Variants in RBFOX1 observed in about 807,000 individuals in gnomAD.
RBFOX1 encodes the protein RNA binding protein fox-1 homolog 1.
Under a neutral mutation model 57.7 loss-of-function variants are expected in RBFOX1, and 8 were observed. That is an observed-to-expected ratio of 0.14 (90% CI 0.08 to 0.25). The LOEUF is 0.25. Ranked by LOEUF, RBFOX1 falls within the 10% of genes least tolerant of loss-of-function variation. The probability of loss-of-function intolerance (pLI) is 1.00; values close to 1 mark genes in which losing one functional copy is unlikely to be tolerated. For missense variants in RBFOX1, 611 were observed against 548.5 expected, an observed-to-expected ratio of 1.11 and a Z score of -1.14; for synonymous variants, 326 against 222.4, an observed-to-expected ratio of 1.47 and a Z score of -4.15.
chr16:6,735,909 G>T (rs12446085), intron 3 of RBFOX1, among the ~76,000 whole-genome samples: 152,068 of 152,068 alleles, frequency 1, 76,034 homozygotes, highest in Non-Finnish European at 1. Flanking sequence ...AAGAATGAGG[G>T]AGTTTTTGTC....
intron 4 of RBFOX1, among the ~76,000 whole-genome samples, chr16:7,067,180 A>T (rs751578967): frequency 6.6e-6 from 1 of 152,218 alleles, no homozygotes; most frequent in Non-Finnish European, 1.5e-5. Context: ...CTTTCACCAA[A>T]CCCAGAGGGT....
At chr16:6,683,498 C>G (rs752704531) in intron 3 of RBFOX1, among the ~76,000 whole-genome samples, 9 of 152,158 alleles carry the variant, frequency 5.9e-5, no homozygotes, top group Non-Finnish European at 8.8e-5. Context: ...GCATCCAAAA[C>G]TATATATAAA....
intron 4 of RBFOX1, among the ~76,000 whole-genome samples, chr16:7,471,606 G>A (rs4787024): frequency 3.9e-5 from 6 of 152,000 alleles, no homozygotes; most frequent in Admixed American, 3.3e-4. Context: ...ATTCTGAGAC[G>A]GGGGTGGAGA....
chr16:6,083,160 C>T (rs1170093576), intron 1 of RBFOX1, among the ~76,000 whole-genome samples: 1 of 152,068 alleles, frequency 6.6e-6, no homozygotes, highest in Non-Finnish European at 1.5e-5. Context: ...CACTACCTTG[C>T]CCAGCTAAGT....
intron 2 of RBFOX1, among the ~76,000 whole-genome samples, chr16:6,337,370 C>T (rs529843740): frequency 1.8e-4 from 28 of 152,234 alleles, no homozygotes; most frequent in Non-Finnish European, 2.9e-4. Context: ...TTTGAATCAC[C>T]GCCATCAACC....
chr16:5,581,462 T>A (rs763923172), intron 2 of RBFOX1, among the ~76,000 whole-genome samples: 1 of 152,052 alleles, frequency 6.6e-6, no homozygotes, highest in Non-Finnish European at 1.5e-5. Context: ...AGTACACGAG[T>A]CAGTGGTGGA....
chr16:6,193,406 AT>A (rs2097158747), intron 1 of RBFOX1, among the ~76,000 whole-genome samples: 2 of 107,614 alleles, frequency 1.9e-5, no homozygotes, highest in African/African-American at 6.8e-5. Flanking sequence ...ATATATATAT[AT>A]ATATATATAT....
intron 4 of RBFOX1, among the ~76,000 whole-genome samples, chr16:7,173,170 C>T (rs2081036540): frequency 6.6e-6 from 1 of 152,142 alleles, no homozygotes; most frequent in South Asian, 2.1e-4. Flanking sequence ...TAACAAAAAT[C>T]ATACAACTGT....
chr16:6,651,399 T>C (rs10083803), intron 2 of RBFOX1, among the ~76,000 whole-genome samples: 113,884 of 152,094 alleles, frequency 0.75, 42,774 homozygotes, highest in Admixed American at 0.84. Flanking sequence ...CTTCCCCTGC[T>C]ACACCCTTAT....
intron 4 of RBFOX1, among the ~76,000 whole-genome samples, chr16:5,936,832 G>C (rs1351983906): frequency 1.3e-5 from 2 of 152,156 alleles, no homozygotes; most frequent in Admixed American, 6.5e-5. Context: ...CAAAGCAGAG[G>C]TGATCCCCAG....
chr16:6,708,079 TAGA>T (rs2063082376), intron 3 of RBFOX1, among the ~76,000 whole-genome samples: 1 of 152,178 alleles, frequency 6.6e-6, no homozygotes, highest in South Asian at 2.1e-4. Flanking sequence ...TGAATGGTAG[TAGA>T]AGAAGCCACA....
At chr16:6,317,951 G>T (rs888866472) in intron 2 of RBFOX1, among the ~76,000 whole-genome samples, 2 of 152,140 alleles carry the variant, frequency 1.3e-5, no homozygotes, top group Middle Eastern at 3.2e-3. Context: ...AAGTGCTGGA[G>T]TATAATTTGA....
At chr16:6,231,239 G>GGTAT (rs113555714) in intron 1 of RBFOX1, among the ~76,000 whole-genome samples, 59,006 of 149,076 alleles carry the variant, frequency 0.4, 11,915 homozygotes, top group Middle Eastern at 0.53. Flanking sequence ...TGTGTGTGTA[G>GGTAT]GTGTGTGTGT....
intron 13 of RBFOX1, among the ~76,000 whole-genome samples, chr16:7,670,673 G>A (rs1429017407): frequency 6.6e-6 from 1 of 152,156 alleles, no homozygotes; most frequent in East Asian, 1.9e-4. Flanking sequence ...TTAACATAAG[G>A]AAGCAAATTT....
intron 4 of RBFOX1, among the ~76,000 whole-genome samples, chr16:7,270,858 G>T (rs992810391): frequency 4.6e-5 from 7 of 151,988 alleles, no homozygotes; most frequent in African/African-American, 1.7e-4. Context: ...TTTTCTTTTT[G>T]ATAAGAATAT....
rs112786154 is a variant in RBFOX1, at chr16:5,895,848, C to G, written c.351+28513C>G. ...GTATTATAAACGGAAAGCGATGTAA[C>G]TGTTTTGCTGGACCTTAAGGCCAAT... On this transcript the variant is annotated intron_variant, in intron 4 of 19. Transcript: ENST00000641259. Among the ~76,000 whole-genome samples the G allele has an allele frequency of 1.3e-4, 20 of 152,310 alleles. 1 individual carries two copies. The highest frequency in any genetic ancestry group is 4.3e-4 in the African/African-American group (18 of 41,568).
At chr16:5,809,665 T>C (rs967007680) in intron 3 of RBFOX1, among the ~76,000 whole-genome samples, 1 of 152,080 alleles carries the variant, frequency 6.6e-6, no homozygotes, top group Non-Finnish European at 1.5e-5. Context: ...CATTAAAAAG[T>C]CAGGAAACAA....
At chr16:6,896,422 C>T (rs940523249) in intron 3 of RBFOX1, among the ~76,000 whole-genome samples, 2 of 152,048 alleles carry the variant, frequency 1.3e-5, no homozygotes, top group African/African-American at 4.8e-5. Context: ...TCCCTACTTT[C>T]CCCTCTTTCA....
intron 2 of RBFOX1, among the ~76,000 whole-genome samples, chr16:6,453,489 C>T (rs938550193): frequency 6.6e-6 from 1 of 151,986 alleles, no homozygotes. Context: ...AGGAAGAAGC[C>T]GAATCCCTTA....
Sources: allele counts gnomAD v4.1 joint callset (sites outside exome capture counted in the v4.1 genomes callset), GRCh38; gene constraint gnomAD v4.1.1; transcripts MANE v1.5; gene names NCBI Gene and HGNC (gene_info 2026-07-23, HGNC 2026-07-21).